RGS22: variants seen among roughly 807,000 people sequenced by gnomAD.
RGS22 encodes the protein regulator of G protein signaling 22, also known as regulator of G-protein signaling 22.
RGS22 carries 148 observed loss-of-function variants against 172.9 expected under a neutral mutation model. The observed-to-expected ratio is 0.86, with a 90% CI of 0.75 to 0.98. RGS22 has a LOEUF of 0.98. Ranked by LOEUF, RGS22 falls within the 50% of genes least tolerant of loss-of-function variation. RGS22 has a pLI of 0.00. For synonymous variants in RGS22, 458 were observed against 480.2 expected, an observed-to-expected ratio of 0.95 and a Z score of 0.60; for missense variants, 1,347 against 1,440.8, an observed-to-expected ratio of 0.93 and a Z score of 1.05.
chr8:100,100,270 T>C (rs1037427192), intron 2 of RGS22, among the ~76,000 whole-genome samples: 1 of 151,934 alleles, frequency 6.6e-6, no homozygotes, highest in African/African-American at 2.4e-5. Flanking sequence ...CCTATATTTT[T>C]AAAGTTTGTA....
At chr8:100,034,429 A>C (rs1819210556) in intron 14 of RGS22, among the ~76,000 whole-genome samples, 1 of 152,206 alleles carries the variant, frequency 6.6e-6, no homozygotes, top group Admixed American at 6.5e-5. Flanking sequence ...GACCTCTTCA[A>C]GGAGAACTAT....
intron 2 of RGS22, among the ~76,000 whole-genome samples, chr8:100,104,111 A>T (rs1215500993): frequency 6.6e-6 from 1 of 152,132 alleles, no homozygotes; most frequent in Non-Finnish European, 1.5e-5. Flanking sequence ...TGAGCCCAGG[A>T]ATTCGAGACT....
chr8:99,990,247 G>C (rs922951078), intron 20 of RGS22, among the ~76,000 whole-genome samples: 1 of 152,092 alleles, frequency 6.6e-6, no homozygotes, highest in East Asian at 1.9e-4. Context: ...ACGGTAGCCT[G>C]GGCAACAGAG....
chr8:100,022,656 A>G (rs184845305), intron 14 of RGS22, among the ~76,000 whole-genome samples: 114 of 152,222 alleles, frequency 7.5e-4, no homozygotes, highest in Admixed American at 4.6e-3. Flanking sequence ...AGCAAGATAT[A>G]CATTTAAACT....
At chr8:100,013,650 CTTTAT>C (rs1816654415) in intron 14 of RGS22, among the ~76,000 whole-genome samples, 1 of 152,110 alleles carries the variant, frequency 6.6e-6, no homozygotes, top group African/African-American at 2.4e-5. Flanking sequence ...ATAAGTTTCT[CTTTAT>C]TTTACCACTT....
At chr8:100,050,869 C>T (rs931776113) in intron 10 of RGS22, 1 of 152,156 alleles carries the variant, frequency 6.6e-6, no homozygotes, top group Non-Finnish European at 1.5e-5. Flanking sequence ...TATTATGTGC[C>T]AGGCACTGTT....
intron 23 of RGS22, among the ~76,000 whole-genome samples, chr8:99,967,243 C>A (rs1810838337): frequency 6.6e-6 from 1 of 152,194 alleles, no homozygotes; most frequent in South Asian, 2.1e-4. Flanking sequence ...CTAGGAGATT[C>A]CCTCGGGTGC....
At chr8:100,013,279 G>A (rs1239459389) in intron 14 of RGS22, among the ~76,000 whole-genome samples, 1 of 152,098 alleles carries the variant, frequency 6.6e-6, no homozygotes, top group African/African-American at 2.4e-5. Flanking sequence ...GTAAGCCATC[G>A]CGCCTGGCCT....
At chr8:100,076,071 A>G (rs1811326988) in intron 4 of RGS22, among the ~76,000 whole-genome samples, 1 of 151,844 alleles carries the variant, frequency 6.6e-6, no homozygotes, top group Admixed American at 6.6e-5. Context: ...TAATTGGGTT[A>G]TTTGTCTTTT....
intron 14 of RGS22, among the ~76,000 whole-genome samples, chr8:100,034,185 G>A (rs950293561): frequency 6.6e-6 from 1 of 152,144 alleles, no homozygotes; most frequent in African/African-American, 2.4e-5. Flanking sequence ...GTCCCTGTTC[G>A]CAGATGACAT....
intron 7 of RGS22, among the ~76,000 whole-genome samples, chr8:100,065,230 G>C (rs1364528233): frequency 1.3e-5 from 2 of 152,116 alleles, no homozygotes; most frequent in Non-Finnish European, 2.9e-5. Context: ...TCTGTGAGAG[G>C]ATGCTGGATG....
At chr8:99,963,781 G>C (rs949943729) in intron 24 of RGS22, among the ~76,000 whole-genome samples, 1 of 151,998 alleles carries the variant, frequency 6.6e-6, no homozygotes, top group Non-Finnish European at 1.5e-5. Context: ...TTTATATCAG[G>C]GACTTGAGCA....
chr8:100,086,826 A>G (rs1812200620), intron 3 of RGS22, among the ~76,000 whole-genome samples: 1 of 152,170 alleles, frequency 6.6e-6, no homozygotes, highest in African/African-American at 2.4e-5. Flanking sequence ...ATTCTAACGC[A>G]TGCACATGTT....
chr8:100,031,855 C>T (rs1818852607), intron 14 of RGS22, among the ~76,000 whole-genome samples: 1 of 152,018 alleles, frequency 6.6e-6, no homozygotes, highest in Admixed American at 6.6e-5. Flanking sequence ...ACAGTGGGGG[C>T]CAATATTCAA....
chr8:100,020,112 G>A (rs529801581), intron 14 of RGS22, among the ~76,000 whole-genome samples: 10 of 151,990 alleles, frequency 6.6e-5, no homozygotes, highest in African/African-American at 1.2e-4. Context: ...TCTAACTCCC[G>A]AACTCAGGTG....
chr8:100,078,787 T>C (rs1473572703), intron 4 of RGS22, among the ~76,000 whole-genome samples: 1 of 152,052 alleles, frequency 6.6e-6, no homozygotes, highest in Non-Finnish European at 1.5e-5. Context: ...CCACCATGCC[T>C]GGCTAATTTT....
chr8:99,999,418 T>C lies in RGS22; in HGVS notation c.2793A>G (p.Val931=). 6.2e-7 allele frequency: 1 copy of C among 1,610,020 alleles called. No homozygotes were observed. The highest frequency in any genetic ancestry group is 8.5e-7 in the Non-Finnish European group (1 of 1,178,216). Reference sequence around the variant, plus strand: ...TCCCCCAGCCACCACTTAAATGCATTACCTAAGAAAATTAAGATGGAAACA... The same window carrying C: ...TCCCCCAGCCACCACTTAAATGCATCACCTAAGAAAATTAAGATGGAAACA... ...SPASLYQQNQ[V]MHLSGGWGKI... The change falls in exon 19 of 28, where the codon GTA becomes GTG. Residue 931 remains valine (V), a splice_region_variant and synonymous_variant. Coordinates refer to ENST00000360863, the MANE Select transcript of RGS22 (RefSeq NM_015668.5).
intron 11 of RGS22, among the ~76,000 whole-genome samples, chr8:100,046,938 C>T (rs1280696164): frequency 6.6e-6 from 1 of 151,920 alleles, no homozygotes; most frequent in Admixed American, 6.6e-5. Flanking sequence ...CCTCAGCCTT[C>T]CGAGTAGTTG....
intron 12 of RGS22, 140 bp downstream of exon 12, chr8:100,041,662 T>C (rs1406537396): frequency 3.7e-6 from 2 of 546,860 alleles, no homozygotes; most frequent in Non-Finnish European, 6.5e-6. Context: ...TGTGTAAAAA[T>C]CCTTTGGCAA....
Sources: allele counts gnomAD v4.1 joint callset (sites outside exome capture counted in the v4.1 genomes callset), GRCh38; gene constraint gnomAD v4.1.1; transcripts MANE v1.5; gene names NCBI Gene and HGNC (gene_info 2026-07-23, HGNC 2026-07-21).